The following OTUD3 variants were observed in gnomAD, a reference collection of about 807,000 sequenced individuals.
The protein encoded by OTUD3 is OTU deubiquitinase 3.
OTUD3 carries 24 observed loss-of-function variants against 46.2 expected under a neutral mutation model. The ratio of observed to expected loss-of-function variants is 0.52; its 90% confidence interval spans 0.38 to 0.73. OTUD3 has a LOEUF of 0.73. Among genes scored for constraint, OTUD3 ranks in the 30% least tolerant of loss-of-function variants. OTUD3 has a pLI of 0.00. For synonymous variants in OTUD3, 189 were observed against 195.4 expected, an observed-to-expected ratio of 0.97 and a Z score of 0.27; for missense variants, 455 against 523.3, an observed-to-expected ratio of 0.87 and a Z score of 1.27.
Position 19,897,228 on chromosome 1 carries a change from T to A in OTUD3, c.484-312T>A, listed in dbSNP as rs74998126. 9.5e-4 allele frequency among the ~76,000 whole-genome samples: 144 copies of A among 152,284 alleles called. 1 individual carries two copies. In the East Asian group the frequency reaches 0.022, roughly 23 times the overall value. ...CTTCCCCTTGGAAGGGGCTTGTGCATTAGAGGGGCTCAGAGGTAATACAGC... is the reference window on the plus strand; with the variant it reads ...CTTCCCCTTGGAAGGGGCTTGTGCAATAGAGGGGCTCAGAGGTAATACAGC... On this transcript the variant is annotated intron_variant, in intron 3 of 7. Transcript: ENST00000375120.
At chr1:19,900,362 T>C (rs2045570255) in intron 4 of OTUD3, among the ~76,000 whole-genome samples, 1 of 152,056 alleles carries the variant, frequency 6.6e-6, no homozygotes. Flanking sequence ...GGCTAATTTT[T>C]TATTTTTTGT....
chr1:19,888,185 C>G (rs2045395997), intron 1 of OTUD3, among the ~76,000 whole-genome samples: 1 of 152,170 alleles, frequency 6.6e-6, no homozygotes, highest in African/African-American at 2.4e-5. Flanking sequence ...AAGTATTCTC[C>G]TAAACTTCCT....
chr1:19,907,514 G>T, intron 7 of OTUD3, 56 bp from the exon 8 acceptor site: 1 of 1,555,952 alleles, frequency 6.4e-7, no homozygotes. Context: ...CCTTCTAGCA[G>T]GTGGCAGCTT....
At chr1:19,894,607 C>A (rs1225599273) in intron 3 of OTUD3, 127 bp downstream of exon 3, 4 of 561,912 alleles carry the variant, frequency 7.1e-6, no homozygotes, top group Non-Finnish European at 1.2e-5. Flanking sequence ...ACGAGCCTAA[C>A]CAAAGACAAA....
intron 1 of OTUD3, among the ~76,000 whole-genome samples, chr1:19,889,666 T>G (rs2100258494): frequency 6.6e-6 from 1 of 152,338 alleles, no homozygotes; most frequent in African/African-American, 2.4e-5. Flanking sequence ...ACTCTTACAG[T>G]TTATTACCAG....
intron 6 of OTUD3, 27 bp from the exon 7 acceptor site, chr1:19,906,405 T>A: frequency 6.2e-7 from 1 of 1,608,770 alleles, no homozygotes; most frequent in South Asian, 1.1e-5. Context: ...AGGTTCTCAG[T>A]TTTAATGAAA....
chr1:19,900,936 GAGAC>G (rs1289897838), intron 4 of OTUD3, among the ~76,000 whole-genome samples: 1 of 26,374 alleles, frequency 3.8e-5, no homozygotes, highest in African/African-American at 1.5e-4. Context: ...TTTTTTTTTT[GAGAC>G]AGAGTCTTGC....
At chr1:19,900,211 A>C (rs1003191893) in intron 4 of OTUD3, among the ~76,000 whole-genome samples, 2 of 151,952 alleles carry the variant, frequency 1.3e-5, no homozygotes, top group Admixed American at 1.3e-4. Flanking sequence ...TTATTTATTT[A>C]TTTATTTTTT....
At chr1:19,904,800 CTTTATG>C (rs2045635433) in intron 5 of OTUD3, 85 bp from the exon 6 acceptor site, 2 of 691,926 alleles carry the variant, frequency 2.9e-6, no homozygotes, top group African/African-American at 1.8e-5. Context: ...ACTATTACAT[CTTTATG>C]TTTATGATTA....
chr1:19,900,844 T>A (rs572317057), intron 4 of OTUD3, among the ~76,000 whole-genome samples: 40 of 150,984 alleles, frequency 2.6e-4, no homozygotes, highest in African/African-American at 8.2e-4. Flanking sequence ...TTGTCTTTTT[T>A]AAAAAAAACA....
intron 7 of OTUD3, 123 bp downstream of exon 7, chr1:19,906,739 T>A: frequency 1.1e-6 from 1 of 880,420 alleles, no homozygotes; most frequent in South Asian, 1.8e-5. Context: ...GTGGAAAATC[T>A]GGGGAATGCA....
At position 19,911,752 on chromosome 1, in the gene OTUD3, C is replaced by G. The variant is rs949265317; in HGVS notation, c.*4006C>G. The G allele has an allele frequency of 6.6e-6, 1 of 152,240 alleles. No homozygotes were observed. Among genetic ancestry groups the G allele is most frequent in the Non-Finnish European group, 1.5e-5 (1 of 68,038 alleles). The allele number at this position is 152,240 out of a possible 1,614,324, so 9.4% of individuals were successfully genotyped here. A position where few individuals can be genotyped will look rare whatever the true frequency, so the allele number is the denominator to read the frequency against. On this transcript the variant is annotated 3_prime_UTR_variant, in exon 8 of 8. Coordinates refer to ENST00000375120, the MANE Select transcript of OTUD3 (RefSeq NM_015207.2). ...ATCTAGATGGCATAAATTACGACGT[C>G]TGCCATCGCATATTAGAAAGGGGAC...
intron 4 of OTUD3, among the ~76,000 whole-genome samples, chr1:19,898,418 G>T (rs889249588): frequency 6.6e-6 from 1 of 151,820 alleles, no homozygotes; most frequent in East Asian, 1.9e-4. Context: ...ATATAGCTTT[G>T]TTTCCTGTTT....
At chr1:19,889,112 C>T (rs2045411463) in intron 1 of OTUD3, among the ~76,000 whole-genome samples, 1 of 152,074 alleles carries the variant, frequency 6.6e-6, no homozygotes, top group Non-Finnish European at 1.5e-5. Context: ...ATTGTTTTAT[C>T]GATTAACTTA....
rs1357983865 is a variant in OTUD3 at position 19,905,125 on chromosome 1, C to T, written c.835+138C>T. The T allele has an allele frequency of 5.1e-5, 30 of 589,554 alleles. No homozygotes were observed. In the Admixed American group the frequency reaches 7.1e-4, roughly 14 times the overall value. 36.5% of individuals were successfully genotyped at this position (589,554 alleles called of 1,614,324 possible). A position where few individuals can be genotyped will look rare whatever the true frequency, so the allele number is the denominator to read the frequency against. Reference sequence around the variant, plus strand: ...AGTTGTTTATTGAGCACGTTCTGTACGTAGACATTTTTTACTAGGTCCTGT... The same window carrying T: ...AGTTGTTTATTGAGCACGTTCTGTATGTAGACATTTTTTACTAGGTCCTGT... On this transcript the variant is annotated intron_variant, in intron 6 of 7. Transcript: ENST00000375120.
chr1:19,901,520 CA>C (rs1260362506), intron 4 of OTUD3, among the ~76,000 whole-genome samples: 1 of 152,100 alleles, frequency 6.6e-6, no homozygotes, highest in Non-Finnish European at 1.5e-5. Flanking sequence ...AAAGTTAAGG[CA>C]AAATTCACAT....
At chr1:19,901,981 G>A (rs893989893) in intron 4 of OTUD3, among the ~76,000 whole-genome samples, 1 of 152,268 alleles carries the variant, frequency 6.6e-6, no homozygotes, top group African/African-American at 2.4e-5. Flanking sequence ...GAGTATATGT[G>A]TACAGTATTT....
intron 1 of OTUD3, among the ~76,000 whole-genome samples, chr1:19,885,394 GA>G (rs1284423735): frequency 1.3e-5 from 2 of 152,202 alleles, no homozygotes; most frequent in African/African-American, 2.4e-5. Flanking sequence ...GGTGATGACA[GA>G]CTTTATCACT....
At chr1:19,891,972 A>G (rs1490406668) in intron 2 of OTUD3, among the ~76,000 whole-genome samples, 1 of 152,262 alleles carries the variant, frequency 6.6e-6, no homozygotes, top group Non-Finnish European at 1.5e-5. Context: ...GAATTGTGTC[A>G]TTAATCCAAT....
Sources: gnomAD v4.1 joint callset for allele counts (sites outside exome capture counted in the v4.1 genomes callset) on GRCh38, gnomAD v4.1.1 for gene constraint, MANE v1.5 for transcripts, NCBI Gene and HGNC (gene_info 2026-07-23, HGNC 2026-07-21) for gene names.